Variants in DSCAM observed in about 807,000 individuals in gnomAD.
DSCAM encodes cell adhesion molecule DSCAM.
DSCAM carries 47 observed loss-of-function variants against 217.7 expected under a neutral mutation model. The observed-to-expected ratio is 0.22, with a 90% CI of 0.17 to 0.28. The LOEUF is 0.28. Among genes scored for constraint, DSCAM ranks in the 10% least tolerant of loss-of-function variants. The probability of loss-of-function intolerance (pLI) is 1.00; values close to 1 mark genes in which losing one functional copy is unlikely to be tolerated. For missense variants in DSCAM, 2,080 were observed against 2,618.3 expected, an observed-to-expected ratio of 0.79 and a Z score of 4.49; for synonymous variants, 1,056 against 1,015.3, an observed-to-expected ratio of 1.04 and a Z score of -0.76.
At chr21:40,733,751 T>C (rs537613917) in intron 1 of DSCAM, among the ~76,000 whole-genome samples, 5 of 152,256 alleles carry the variant, frequency 3.3e-5, no homozygotes, top group East Asian at 1.9e-4. Context: ...TGCTCTGCTC[T>C]GCTCCACTCT....
At chr21:40,249,605 C>T (rs976462680) in intron 11 of DSCAM, among the ~76,000 whole-genome samples, 3 of 152,150 alleles carry the variant, frequency 2.0e-5, no homozygotes, top group Non-Finnish European at 2.9e-5. Context: ...TGAACAAACA[C>T]GAGTATGAAA....
intron 9 of DSCAM, among the ~76,000 whole-genome samples, chr21:40,310,604 C>A (rs2074126789): frequency 6.6e-6 from 1 of 152,218 alleles, no homozygotes; most frequent in Admixed American, 6.5e-5. Context: ...TTCTGGTTGC[C>A]TTTTCTGCAA....
intron 3 of DSCAM, among the ~76,000 whole-genome samples, chr21:40,680,119 T>G (rs927075391): frequency 9.2e-5 from 14 of 152,224 alleles, no homozygotes; most frequent in African/African-American, 2.4e-5. Flanking sequence ...ACTATAATGT[T>G]ATTTTTATTC....
At chr21:40,070,881 G>A (rs1022092688) in intron 27 of DSCAM, among the ~76,000 whole-genome samples, 20 of 152,280 alleles carry the variant, frequency 1.3e-4, no homozygotes, top group Admixed American at 9.1e-4. Context: ...GATCAGTTTT[G>A]TAACAATCCA....
At position 40,276,080 on chromosome 21, in the gene DSCAM, C is replaced by T. The variant is rs2073682636; in HGVS notation, c.2356+17G>A. The stretch of plus-strand genomic sequence containing the variant: ...TGTATTTAAACTAGGTAAAACGAAG[C>T]ATTTCTTCTCTCTTACTTTTAACCG... On this transcript the variant is annotated intron_variant, in intron 11 of 32. Transcript: ENST00000400454. The T allele has an allele frequency of 1.3e-6, 2 of 1,540,948 alleles. No individual in the cohort carries two copies. Among genetic ancestry groups the T allele is most frequent in the Non-Finnish European group, 1.7e-6 (2 of 1,143,888 alleles).
At chr21:40,227,442 T>C (rs1294977412) in intron 11 of DSCAM, among the ~76,000 whole-genome samples, 2 of 152,192 alleles carry the variant, frequency 1.3e-5, no homozygotes. Flanking sequence ...CTGAGGCTGA[T>C]AGGAAATGCT....
chr21:40,700,628 CT>C (rs558425606), intron 2 of DSCAM, among the ~76,000 whole-genome samples: 48 of 151,688 alleles, frequency 3.2e-4, no homozygotes, highest in Non-Finnish European at 5.6e-4. Context: ...TTTCTTATGT[CT>C]TGTTTATGTA....
intron 18 of DSCAM, among the ~76,000 whole-genome samples, chr21:40,137,034 C>T (rs925308013): frequency 1.3e-5 from 2 of 151,866 alleles, no homozygotes; most frequent in African/African-American, 2.4e-5. Flanking sequence ...ATTAGCCTGG[C>T]GTGGTGGTGG....
At chr21:40,417,373 C>A (rs2075382258) in intron 3 of DSCAM, among the ~76,000 whole-genome samples, 1 of 152,050 alleles carries the variant, frequency 6.6e-6, no homozygotes, top group African/African-American at 2.4e-5. Context: ...GAGCAGAAAC[C>A]ATTTTTCAAG....
At chr21:40,319,519 G>A (rs1266131700) in intron 8 of DSCAM, among the ~76,000 whole-genome samples, 2 of 152,128 alleles carry the variant, frequency 1.3e-5, no homozygotes, top group Non-Finnish European at 2.9e-5. Context: ...TCCATGTCTT[G>A]GCTGTCGTGG....
chr21:40,369,390 G>C, intron 3 of DSCAM, 145 bp from the exon 4 acceptor site: 2 of 456,230 alleles, frequency 4.4e-6, no homozygotes, highest in Non-Finnish European at 7.1e-6. Context: ...GTCTGCGTGT[G>C]TGTGTGTGTG....
At chr21:40,508,930 T>C (rs928292094) in intron 3 of DSCAM, among the ~76,000 whole-genome samples, 10 of 150,794 alleles carry the variant, frequency 6.6e-5, no homozygotes, top group Non-Finnish European at 1.3e-4. Flanking sequence ...AGCCATTGTG[T>C]CCAGCCAGAA....
Position 40,836,239 on chromosome 21 carries a change from T to G in DSCAM, c.43+10380A>C, listed in dbSNP as rs562341171. ...GGCAGGTTTCAAAGGGCTTCTCTGC[T>G]GGGACTCCAGCTGCTATCGAAGAAG... On this transcript the variant is annotated intron_variant, in intron 1 of 32. Transcript: ENST00000400454. Among the ~76,000 whole-genome samples, 203 of 152,330 alleles carry G rather than the reference T, an allele frequency of 1.3e-3. 2 individuals are homozygous for G. Among genetic ancestry groups the G allele is most frequent in the African/African-American group, 4.2e-3 (175 of 41,570 alleles).
chr21:40,185,171 G>C (rs572920521), intron 14 of DSCAM, among the ~76,000 whole-genome samples: 4 of 152,240 alleles, frequency 2.6e-5, no homozygotes, highest in South Asian at 2.1e-4. Flanking sequence ...GACCCATAAT[G>C]CCACCTGCCC....
At chr21:40,287,448 C>T (rs2073842164) in intron 10 of DSCAM, among the ~76,000 whole-genome samples, 1 of 152,092 alleles carries the variant, frequency 6.6e-6, no homozygotes, top group Non-Finnish European at 1.5e-5. Context: ...GTCCCCTGGA[C>T]ATTGGGAGGG....
chr21:40,181,033 C>A (rs1897684351), intron 14 of DSCAM, among the ~76,000 whole-genome samples: 1 of 152,156 alleles, frequency 6.6e-6, no homozygotes, highest in Non-Finnish European at 1.5e-5. Context: ...GCAACTACCA[C>A]TAACTCCCTC....
chr21:40,303,743 A>T (rs964239292), intron 9 of DSCAM, among the ~76,000 whole-genome samples: 4 of 152,216 alleles, frequency 2.6e-5, no homozygotes, highest in Admixed American at 1.3e-4. Flanking sequence ...GGATCAACAG[A>T]TGGCAATAAA....
At chr21:40,064,046 A>C (rs1416110599) in intron 27 of DSCAM, among the ~76,000 whole-genome samples, 1 of 152,130 alleles carries the variant, frequency 6.6e-6, no homozygotes, top group African/African-American at 2.4e-5. Context: ...TCATGTCTTT[A>C]TATTTATCTG....
At chr21:40,595,334 C>T (rs1181322164) in intron 3 of DSCAM, among the ~76,000 whole-genome samples, 1 of 151,484 alleles carries the variant, frequency 6.6e-6, no homozygotes, top group Non-Finnish European at 1.5e-5. Flanking sequence ...GCCCTGATCA[C>T]ACCACTGCAC....
Sources: gnomAD v4.1 joint callset for allele counts (sites outside exome capture counted in the v4.1 genomes callset) on GRCh38, gnomAD v4.1.1 for gene constraint, MANE v1.5 for transcripts, NCBI Gene and HGNC (gene_info 2026-07-23, HGNC 2026-07-21) for gene names.